DHRS9: variants seen among roughly 807,000 people sequenced by gnomAD.
DHRS9 encodes dehydrogenase/reductase SDR family member 9.
A neutral mutation model predicts 26.6 loss-of-function variants in DHRS9; 18 were observed. That is an observed-to-expected ratio of 0.68 (90% CI 0.47 to 1.00). DHRS9 has a LOEUF of 1.00. DHRS9 is among the 50% of genes least tolerant of loss of function. The pLI, the probability that DHRS9 is intolerant of heterozygous loss-of-function variation, is 0.00. For missense variants in DHRS9, 425 were observed against 378.7 expected, an observed-to-expected ratio of 1.12 and a Z score of -1.01; for synonymous variants, 134 against 141.1, an observed-to-expected ratio of 0.95 and a Z score of 0.36.
chr2:169,095,528 T>C lies in DHRS9; in HGVS notation c.737-16T>C, dbSNP rs1440811471. On this transcript the variant is annotated splice_polypyrimidine_tract_variant and intron_variant, in intron 4 of 4. Transcript: ENST00000674881. ...CCCTTCTACCAAAGAGTAAATGTAC[T>C]TTTGTCTCTTTTTAGGTCTAGACAA... The C allele has an allele frequency of 4.4e-6, 7 of 1,599,728 alleles. No homozygotes were observed. The highest frequency in any genetic ancestry group is 3.3e-5 in the Admixed American group (2 of 59,956).
chr2:169,080,914 T>C (rs1417495823), intron 1 of DHRS9: 1 of 152,842 alleles, frequency 6.5e-6, no homozygotes, highest in African/African-American at 2.4e-5. Flanking sequence ...CCTCCCACTT[T>C]AATACTCATC....
At position 169,083,559 on chromosome 2, in the gene DHRS9, G is replaced by A. The variant is rs761602408; in HGVS notation, c.544G>A (p.Ala182Thr). 6.2e-7 allele frequency: 1 copy of A among 1,614,006 alleles called. No individual in the cohort carries two copies. The highest frequency in any genetic ancestry group is 1.1e-5 in the South Asian group (1 of 91,072). ...VGGGYTPSKY[A>T]VEGFNDSLRR... ...AGGGGGCTATACTCCATCCAAATAT[G>A]CAGTGGAAGGTTTCAATGACAGCTT... Residue 182 changes from alanine to threonine, a missense_variant, in exon 3 of 5, where the codon GCA (alanine) becomes ACA (threonine). Physicochemically the swap from Ala to Thr is moderately conservative, Grantham distance 58. Coordinates refer to ENST00000674881, the MANE Select transcript of DHRS9 (RefSeq NM_001376924.1).
At chr2:169,094,064 A>G (rs1367486854) in intron 4 of DHRS9, among the ~76,000 whole-genome samples, 1 of 152,198 alleles carries the variant, frequency 6.6e-6, no homozygotes, top group Admixed American at 6.5e-5. Context: ...ACAGTATACA[A>G]GAGGTTTTCT....
rs1553478929 is a variant in DHRS9 at position 169,078,840 on chromosome 2, T to TTTTTTTTTTTTTTTG, written c.-59-2682_-59-2681insTTTTTTTTTTTTTGT. 6.8e-4 allele frequency among the ~76,000 whole-genome samples: 93 copies of TTTTTTTTTTTTTTTG among 137,322 alleles called. 2 individuals are homozygous for TTTTTTTTTTTTTTTG. Among genetic ancestry groups the TTTTTTTTTTTTTTTG allele is most frequent in the African/African-American group, 2.6e-3 (87 of 33,792 alleles). 90.1% of individuals were successfully genotyped at this position (137,322 alleles called of 152,430 possible). A position where few individuals can be genotyped will look rare whatever the true frequency, so the allele number is the denominator to read the frequency against. On this transcript the variant is annotated intron_variant, in intron 1 of 4. Coordinates refer to ENST00000674881, the MANE Select transcript of DHRS9 (RefSeq NM_001376924.1). ...CTTTTTTTTTTTTTTTTTTTTTTTT[T>TTTTTTTTTTTTTTTG]TGTGACAGAGTCTTGCACTGTCGCC... is the stretch of plus-strand genomic sequence containing the variant.
intron 3 of DHRS9, among the ~76,000 whole-genome samples, chr2:169,083,871 T>A (rs1031008111): frequency 2.0e-5 from 3 of 152,344 alleles, no homozygotes; most frequent in African/African-American, 4.8e-5. Flanking sequence ...GAGTTATTTT[T>A]AAATCTGTGA....
intron 1 of DHRS9, chr2:169,070,543 G>A (rs1357160341): frequency 1.0e-6 from 1 of 984,938 alleles, no homozygotes; most frequent in Non-Finnish European, 1.2e-6. Context: ...TATATTAACT[G>A]CTCTAAAAAT....
intron 1 of DHRS9, among the ~76,000 whole-genome samples, chr2:169,078,003 C>T (rs1684015210): frequency 1.3e-5 from 2 of 152,186 alleles, no homozygotes; most frequent in Non-Finnish European, 2.9e-5. Flanking sequence ...TGTGAAGTGT[C>T]GACCTTATCA....
chr2:169,067,496 G>A (rs891209194), upstream of DHRS9, among the ~76,000 whole-genome samples: 2 of 152,186 alleles, frequency 1.3e-5, no homozygotes, highest in Non-Finnish European at 2.9e-5. Flanking sequence ...TCTTTAGTGT[G>A]TTGTCTGTGG....
rs552648216 is a variant in DHRS9 at position 169,088,644 on chromosome 2, T to A, written c.573-3146T>A. Among the ~76,000 whole-genome samples the A allele has an allele frequency of 1.2e-4, 18 of 152,314 alleles. No homozygotes were observed. In the South Asian group the frequency reaches 3.7e-3, roughly 32 times the overall value. The stretch of plus-strand genomic sequence containing the variant: ...AGTGTATAGATGATGCCACTAAAAC[T>A]AAAAGAGTTTAATTAATTTGCGCAA... On this transcript the variant is annotated intron_variant, in intron 3 of 4. Coordinates refer to ENST00000674881, the MANE Select transcript of DHRS9 (RefSeq NM_001376924.1).
At chr2:169,074,977 G>T (rs1402861766) in intron 1 of DHRS9, among the ~76,000 whole-genome samples, 2 of 148,594 alleles carry the variant, frequency 1.3e-5, no homozygotes, top group Non-Finnish European at 3.0e-5. Flanking sequence ...AGAAAAGGTG[G>T]AGATTGAGGG....
intron 1 of DHRS9, chr2:169,072,517 A>T (rs1409564609): frequency 6.1e-6 from 4 of 654,140 alleles, no homozygotes; most frequent in South Asian, 1.4e-4. Context: ...TTTAAGAAAC[A>T]GAGGAAGGTG....
intron 3 of DHRS9, among the ~76,000 whole-genome samples, chr2:169,088,268 C>G (rs572558062): frequency 3.3e-5 from 5 of 152,268 alleles, no homozygotes; most frequent in African/African-American, 1.2e-4. Context: ...TGTGACAGGG[C>G]AGCACTGAGT....
intron 3 of DHRS9, among the ~76,000 whole-genome samples, chr2:169,087,742 A>G (rs1574034146): frequency 6.6e-6 from 1 of 152,132 alleles, no homozygotes; most frequent in South Asian, 2.1e-4. Context: ...CCTTCAAGGC[A>G]GTGGGTTTCC....
intron 1 of DHRS9, among the ~76,000 whole-genome samples, chr2:169,072,883 T>G (rs946355734): frequency 2.0e-5 from 3 of 152,214 alleles, no homozygotes; most frequent in Non-Finnish European, 1.5e-5. Flanking sequence ...CAAGTGACCA[T>G]AGTTATGACC....
Position 169,091,920 on chromosome 2 carries a change from A to G in DHRS9, c.703A>G (p.Lys235Glu), listed in dbSNP as rs113431016. Residue 235 changes from lysine (K) to glutamate (E), a missense_variant, in exon 4 of 5, where the codon AAA becomes GAA. Coordinates refer to ENST00000674881, the MANE Select transcript of DHRS9 (RefSeq NM_001376924.1). ...AIWEQLSPDI[K>E]QQYGEGYIEK... ...TTGGGAGCAGCTGTCTCCAGACATC[A>G]AACAACAATATGGAGAAGGTTACAT... is the stretch of plus-strand genomic sequence containing the variant. 6.2e-6 allele frequency: 10 copies of G among 1,614,060 alleles called. No homozygotes were observed. In the Admixed American group the frequency reaches 1.7e-4, roughly 27 times the overall value.
intron 3 of DHRS9, among the ~76,000 whole-genome samples, chr2:169,089,268 T>G (rs1684446902): frequency 6.6e-6 from 1 of 152,144 alleles, no homozygotes. Flanking sequence ...CAGAGGCTGT[T>G]GTTTTCAGTT....
chr2:169,084,539 GGGTAA>G (rs1684292557), intron 3 of DHRS9, among the ~76,000 whole-genome samples: 1 of 151,974 alleles, frequency 6.6e-6, no homozygotes, highest in Admixed American at 6.6e-5. Context: ...ATTTTAACTG[GGGTAA>G]GGTAATATTT....
At position 169,095,540 on chromosome 2, in the gene DHRS9, T is replaced by C; in HGVS notation, c.737-4T>C. On this transcript the variant is annotated splice_region_variant and splice_polypyrimidine_tract_variant and intron_variant, in intron 4 of 4. Coordinates refer to ENST00000674881, the MANE Select transcript of DHRS9 (RefSeq NM_001376924.1). ...AGAGTAAATGTACTTTTGTCTCTTT[T>C]TAGGTCTAGACAAACTGAAAGGCAA... 6.2e-7 allele frequency: 1 copy of C among 1,611,816 alleles called. No individual in the cohort carries two copies. Among genetic ancestry groups the C allele is most frequent in the South Asian group, 1.1e-5 (1 of 91,038 alleles).
At chr2:169,076,989 G>A (rs1683981810) in intron 1 of DHRS9, among the ~76,000 whole-genome samples, 1 of 152,102 alleles carries the variant, frequency 6.6e-6, no homozygotes, top group Non-Finnish European at 1.5e-5. Flanking sequence ...AGTAGGCTGA[G>A]GAGGAAAAAA....
Sources: allele counts gnomAD v4.1 joint callset (sites outside exome capture counted in the v4.1 genomes callset), GRCh38; gene constraint gnomAD v4.1.1; transcripts MANE v1.5; gene names NCBI Gene and HGNC (gene_info 2026-07-23, HGNC 2026-07-21).